Variants in BEND6 observed in about 807,000 individuals in gnomAD.
BEND6 encodes BEN domain-containing protein 6.
A neutral mutation model predicts 31.8 loss-of-function variants in BEND6; 24 were observed. That is an observed-to-expected ratio of 0.75 (90% CI 0.55 to 1.06). The LOEUF is 1.06. Ranked by LOEUF, BEND6 falls within the 50% of genes least tolerant of loss-of-function variation. The probability of loss-of-function intolerance (pLI) is 0.00; values close to 1 mark genes in which losing one functional copy is unlikely to be tolerated. For synonymous variants in BEND6, 109 were observed against 114.6 expected (o/e 0.95, Z 0.31); for missense variants, 294 against 327.4 (o/e 0.90, Z 0.79).
intron 1 of BEND6, among the ~76,000 whole-genome samples, chr6:56,963,615 A>G (rs745611892): frequency 4.6e-5 from 7 of 152,010 alleles, no homozygotes; most frequent in Non-Finnish European, 7.4e-5. Context: ...TATTTTTACA[A>G]AAGATTGAGG....
chr6:57,015,317 A>G lies in BEND6; in HGVS notation c.483A>G (p.Leu161=). The change falls in exon 4 of 7, where the codon TTA becomes TTG. Residue 161 remains leucine (L), a synonymous_variant. Coordinates refer to ENST00000370746, the MANE Select transcript of BEND6 (RefSeq NM_152731.3). ...CTAACTCCAGTTCACCAGTTTCCTT[A>G]AAGCCTGAGGAAGAGCATCAGACTG... ...SNSNSSSPVS[L]KPEEEHQTDE... 1 of 1,614,140 alleles carries G rather than the reference A, an allele frequency of 6.2e-7. No homozygotes were observed. The highest frequency in any genetic ancestry group is 8.5e-7 in the Non-Finnish European group (1 of 1,179,990).
chr6:56,964,508 C>CTT (rs917924533), intron 1 of BEND6, among the ~76,000 whole-genome samples: 2 of 146,412 alleles, frequency 1.4e-5, no homozygotes, highest in Admixed American at 1.4e-4. Context: ...GTCTTTTTGT[C>CTT]TTTTTTTTTT....
chr6:56,965,831 A>G (rs921254806), intron 1 of BEND6, among the ~76,000 whole-genome samples: 2 of 151,892 alleles, frequency 1.3e-5, no homozygotes, highest in African/African-American at 4.8e-5. Flanking sequence ...ATAAGCATTG[A>G]TTCTTGGATC....
Position 57,017,414 on chromosome 6 carries a change from G to C in BEND6, c.712+15G>C, listed in dbSNP as rs181739869. Reference sequence around the variant, plus strand: ...AGAAATCATAGGTGATAATATGATTGCGTTATATTGTCGTATGAATTTTAA... The same window carrying C: ...AGAAATCATAGGTGATAATATGATTCCGTTATATTGTCGTATGAATTTTAA... On this transcript the variant is annotated intron_variant, in intron 5 of 6. Coordinates refer to ENST00000370746, the MANE Select transcript of BEND6 (RefSeq NM_152731.3). The C allele has an allele frequency of 1.5e-6, 2 of 1,315,532 alleles. No homozygotes were observed. Among genetic ancestry groups the C allele is most frequent in the African/African-American group, 3.0e-5 (2 of 66,222 alleles). The allele number at this position is 1,315,532 out of a possible 1,614,324, so 81.5% of individuals were successfully genotyped here.
At chr6:57,016,918 C>T (rs1827584428) in intron 4 of BEND6, among the ~76,000 whole-genome samples, 1 of 152,144 alleles carries the variant, frequency 6.6e-6, no homozygotes, top group South Asian at 2.1e-4. Context: ...GAGTATGGGA[C>T]TAAGCCTGAA....
chr6:56,965,678 A>T (rs1044090057), intron 1 of BEND6, among the ~76,000 whole-genome samples: 3 of 77,020 alleles, frequency 3.9e-5, no homozygotes, highest in Non-Finnish European at 8.3e-5. Context: ...AAAAAAATTT[A>T]TATATATATA....
chr6:57,004,590 A>G, intron 3 of BEND6: 1 of 980,508 alleles, frequency 1.0e-6, no homozygotes, highest in Non-Finnish European at 1.6e-6. Flanking sequence ...TCAGAGGCCA[A>G]CATCAACCTC....
At chr6:56,993,479 A>G (rs1826587502) in intron 3 of BEND6, among the ~76,000 whole-genome samples, 2 of 152,332 alleles carry the variant, frequency 1.3e-5, no homozygotes, top group South Asian at 4.1e-4. Flanking sequence ...ATGGCTTATG[A>G]AAATAGAGGG....
chr6:56,979,813 A>T (rs1377394090), intron 1 of BEND6, among the ~76,000 whole-genome samples: 1 of 152,204 alleles, frequency 6.6e-6, no homozygotes, highest in African/African-American at 2.4e-5. Context: ...TTGCAGAAAA[A>T]GTTTGTCAAC....
intron 1 of BEND6, among the ~76,000 whole-genome samples, chr6:56,974,709 T>C (rs2397227): frequency 0.69 from 105,174 of 152,110 alleles, 37,834 homozygotes; most frequent in South Asian, 0.89. Flanking sequence ...CATGGCATTT[T>C]ATTTTATTTT....
At chr6:57,018,294 T>G in intron 5 of BEND6, 127 bp from the exon 6 acceptor site, 1 of 991,904 alleles carries the variant, frequency 1.0e-6, no homozygotes, top group Non-Finnish European at 1.4e-6. Context: ...CTCATGGGTG[T>G]TTGGGCTACT....
chr6:56,976,923 C>T (rs570237800), intron 1 of BEND6, among the ~76,000 whole-genome samples: 184 of 152,292 alleles, frequency 1.2e-3, no homozygotes, highest in African/African-American at 4.3e-3. Context: ...TATATATCAA[C>T]ATTAGCCAAC....
At position 57,017,308 on chromosome 6, in the gene BEND6, C is replaced by A; in HGVS notation, c.621C>A (p.Ala207=). 6.8e-7 allele frequency: 1 copy of A among 1,479,542 alleles called. No homozygotes were observed. 91.7% of individuals were successfully genotyped at this position (1,479,542 alleles called of 1,614,324 possible). A position where few individuals can be genotyped will look rare whatever the true frequency, so the allele number is the denominator to read the frequency against. ...TACTTTACACAAATGAATACATGGC[C>A]ACTCACAGCCTGACAGGGGCAAAAT... The part of the protein sequence containing the change: ...MQVLYTNEYM[A]THSLTGAKSS... The change falls in exon 5 of 7, where the codon GCC becomes GCA. Residue 207 remains alanine, a synonymous_variant. Coordinates refer to ENST00000370746, the MANE Select transcript of BEND6 (RefSeq NM_152731.3).
At chr6:56,967,530 C>T (rs762301541) in intron 1 of BEND6, among the ~76,000 whole-genome samples, 7 of 152,160 alleles carry the variant, frequency 4.6e-5, no homozygotes, top group East Asian at 1.9e-4. Flanking sequence ...AAAGAGAGTT[C>T]GGGAGCCCAA....
chr6:56,985,523 C>G (rs9382674), intron 2 of BEND6, among the ~76,000 whole-genome samples: 29,953 of 151,908 alleles, frequency 0.2, 3,148 homozygotes, highest in Middle Eastern at 0.22. Flanking sequence ...AGAATACAGG[C>G]AGAAGAAGGC....
chr6:57,025,366 T>C (rs1314417517), intron 6 of BEND6, among the ~76,000 whole-genome samples: 1 of 152,260 alleles, frequency 6.6e-6, no homozygotes, highest in Non-Finnish European at 1.5e-5. Context: ...ATATGTTTGC[T>C]TATTTGTAAT....
intron 3 of BEND6, among the ~76,000 whole-genome samples, chr6:57,000,586 C>CAAAAAAAAAAAAA (rs373150482): frequency 8.0e-6 from 1 of 125,224 alleles, no homozygotes; most frequent in African/African-American, 3.3e-5. Flanking sequence ...AAAAAACAAA[C>CAAAAAAAAAAAAA]AAAAAAAAAA....
intron 3 of BEND6, among the ~76,000 whole-genome samples, chr6:57,001,263 A>T (rs6935636): frequency 0.2 from 29,870 of 150,600 alleles, 3,145 homozygotes; most frequent in Middle Eastern, 0.22. Flanking sequence ...TCCCAAGCTT[A>T]GGTGATCCTT....
At chr6:57,015,399 T>A in intron 4 of BEND6, 46 bp downstream of exon 4, 1 of 1,473,754 alleles carries the variant, frequency 6.8e-7, no homozygotes, top group Admixed American at 1.9e-5. Flanking sequence ...TATGCTTAAA[T>A]AAAAAATTTA....
Sources: allele counts gnomAD v4.1 joint callset (sites outside exome capture counted in the v4.1 genomes callset), GRCh38; gene constraint gnomAD v4.1.1; transcripts MANE v1.5; gene names NCBI Gene and HGNC (gene_info 2026-07-23, HGNC 2026-07-21).